LTBP3: variants seen among roughly 807,000 people sequenced by gnomAD.
LTBP3 encodes the protein latent transforming growth factor beta binding protein 3.
LTBP3 carries 97 observed loss-of-function variants against 159.7 expected under a neutral mutation model. That is an observed-to-expected ratio of 0.61 (90% CI 0.52 to 0.72). The LOEUF (loss-of-function observed/expected upper bound fraction) is 0.72. Among genes scored for constraint, LTBP3 ranks in the 30% least tolerant of loss-of-function variants. The probability of loss-of-function intolerance (pLI) is 0.00; values close to 1 mark genes in which losing one functional copy is unlikely to be tolerated. For synonymous variants in LTBP3, 824 were observed against 777.1 expected (o/e 1.06, Z -1.00); for missense variants, 1,584 against 1,864.3 (o/e 0.85, Z 2.77).
chr11:65,540,077 C>G lies in LTBP3; in HGVS notation c.3321G>C (p.Glu1107Asp). The G allele has an allele frequency of 1.3e-6, 2 of 1,525,576 alleles. No individual in the cohort carries two copies. 94.5% of individuals were successfully genotyped at this position (1,525,576 alleles called of 1,614,324 possible). The change falls in exon 24 of 28, where the codon GAG becomes GAC. Residue 1107 changes from glutamate (E) to aspartate (D), a missense_variant. Physicochemically the swap from Glu to Asp is conservative, Grantham distance 45. Coordinates refer to ENST00000301873, the MANE Select transcript of LTBP3 (RefSeq NM_001130144.3). ...CVNLPGSYRC[E>D]CRPPWVPGPS... is the part of the protein sequence containing the mutation. ...GCCCGGGCACCCAGGGCGGGCGACA[C>G]TCGCAGCGGTAGGAGCCCGGCAGGT...
Position 65,539,417 on chromosome 11 carries a change from A to C in LTBP3, c.3671T>G (p.Val1224Gly). Residue 1224 changes from valine (V) to glycine (G), a missense_variant, in exon 27 of 28, where the codon GTG becomes GGG. Val to Gly is a moderately radical substitution (Grantham distance 109, BLOSUM62 -3). Around this residue, in one of 6 missense-constraint regions of LTBP3, gnomAD observed 514 missense variants for 530.3 expected, o/e 0.97. Transcript: ENST00000301873. ...SEEDSDECRC[V>G]SGRCVPRPGG... ...CGGCCGCGGCACGCAGCGGCCACTC[A>C]CGCAGCGACACTCGTCTGAATCCTC... 1 of 1,551,146 alleles carries C rather than the reference A, an allele frequency of 6.4e-7. No individual in the cohort carries two copies. The highest frequency in any genetic ancestry group is 8.7e-7 in the Non-Finnish European group (1 of 1,147,062).
At chr11:65,542,159 T>C (rs1391168010) in intron 18 of LTBP3, 4 of 268,334 alleles carry the variant, frequency 1.5e-5, no homozygotes. Flanking sequence ...TTCTCGTGCC[T>C]TGCCTTTCCC....
chr11:65,553,769 A>G lies in LTBP3; in HGVS notation c.796T>C (p.Ser266Pro), dbSNP rs916293694. Residue 266 changes from serine (S) to proline (P), a missense_variant, in exon 3 of 28, where the codon TCG becomes CCG. This residue lies in a region of LTBP3 where 194 missense variants were observed against 198.7 expected (regional missense o/e 0.98). Coordinates refer to ENST00000301873, the MANE Select transcript of LTBP3 (RefSeq NM_001130144.3). This position sits in a 1 kb window ranked among gnomAD's most constrained non-coding sequence, Gnocchi z 6.5. ...TTCTGGGTGGGCGGCCGGGGGTGCG[A>G]GGGCTTGGGGTGCGGCAGCAGGTGC... ...SQHLLPHPKPSHPRPPTQKPL... is the reference protein window; with the variant it reads ...SQHLLPHPKPPHPRPPTQKPL... 2.5e-6 allele frequency: 4 copies of G among 1,570,746 alleles called. No homozygotes were observed. Among genetic ancestry groups the G allele is most frequent in the African/African-American group, 1.4e-5 (1 of 74,056 alleles).
chr11:65,539,818 C>A lies in LTBP3; in HGVS notation c.3449G>T (p.Gly1150Val). 1 of 1,532,396 alleles carries A rather than the reference C, an allele frequency of 6.5e-7. No homozygotes were observed. The highest frequency in any genetic ancestry group is 2.5e-5 in the East Asian group (1 of 40,634). The allele number at this position is 1,532,396 out of a possible 1,614,324, so 94.9% of individuals were successfully genotyped here. Residue 1150 changes from glycine to valine, a missense_variant, in exon 25 of 28, where the codon GGC becomes GTC. Gly to Val is a moderately radical substitution (Grantham distance 109). Coordinates refer to ENST00000301873, the MANE Select transcript of LTBP3 (RefSeq NM_001130144.3). ...GGTGAGGGCAGGCCCGGCCAGGGGGCCAGCGCACATGCCGTCCTCTCCGCG... is the reference window on the plus strand; with the variant it reads ...GGTGAGGGCAGGCCCGGCCAGGGGGACAGCGCACATGCCGTCCTCTCCGCG... ...SQRGEDGMCA[G>V]PLAGPALTFD...
chr11:65,541,379 C>G lies in LTBP3; in HGVS notation c.2726-86G>C, dbSNP rs1469673099. On this transcript the variant is annotated intron_variant, in intron 19 of 27. Coordinates refer to ENST00000301873, the MANE Select transcript of LTBP3 (RefSeq NM_001130144.3). ...CCCACCCACCACAGGTCTTTCCCCC[C>G]ACATTCCCTGGCTCCCCTTAGCCTC... is the stretch of plus-strand genomic sequence containing the variant. The G allele has an allele frequency of 7.8e-6, 12 of 1,535,534 alleles. No homozygotes were observed. The East Asian group carries it at 9.0e-5, about 12-fold the overall frequency.
At chr11:65,540,736 GGGCGGGGCCTGC>G in intron 21 of LTBP3, 122 bp from the exon 22 acceptor site, 2 of 1,498,372 alleles carry the variant, frequency 1.3e-6, no homozygotes, top group Non-Finnish European at 1.8e-6. Flanking sequence ...GGGGCCTACA[GGGCGGGGCCTGC>G]GAGGAAGGTG....
intron 21 of LTBP3, 72 bp from the exon 22 acceptor site, chr11:65,540,686 C>A: frequency 4.4e-6 from 5 of 1,124,002 alleles, no homozygotes; most frequent in South Asian, 2.9e-5. Flanking sequence ...GGCGCACCAC[C>A]GGAGCGAAGC....
rs527264270 is a variant in LTBP3, at chr11:65,547,329, G to T, written c.2107+110C>A. On this transcript the variant is annotated intron_variant, in intron 14 of 27. Coordinates refer to ENST00000301873, the MANE Select transcript of LTBP3 (RefSeq NM_001130144.3). The surrounding 1 kb of genome is among the most constrained non-coding windows in gnomAD (Gnocchi z 4.6). Reference sequence around the variant, plus strand: ...ACCGCACTCCAGCCTGGGCGACAGAGTGAGACTCCGTCTCGGGGGAAAAAA... The same window carrying T: ...ACCGCACTCCAGCCTGGGCGACAGATTGAGACTCCGTCTCGGGGGAAAAAA... 3.0e-5 allele frequency: 40 copies of T among 1,319,168 alleles called. No individual in the cohort carries two copies. In the African/African-American group the frequency reaches 4.6e-4, roughly 15 times the overall value. 81.7% of individuals were successfully genotyped at this position (1,319,168 alleles called of 1,614,324 possible).
chr11:65,557,913 C>G lies in LTBP3; in HGVS notation c.47G>C (p.Arg16Pro). The G allele has an allele frequency of 7.9e-7, 1 of 1,263,840 alleles. No homozygotes were observed. The highest frequency in any genetic ancestry group is 2.2e-5 in the South Asian group (1 of 45,896). The allele number at this position is 1,263,840 out of a possible 1,614,324, so 78.3% of individuals were successfully genotyped here. Reference sequence around the variant, plus strand: ...CAGCAGCCCCGCCGCCCCCGCCCCGCGCATCTCAGGGGCCAGGCCGCCAGC... The same window carrying G: ...CAGCAGCCCCGCCGCCCCCGCCCCGGGCATCTCAGGGGCCAGGCCGCCAGC... ...GAAGGLAPEMRGAGAAGLLAL... is the reference protein window; with the variant it reads ...GAAGGLAPEMPGAGAAGLLAL... Residue 16 changes from arginine to proline, a missense_variant, in exon 1 of 28, where the codon CGC becomes CCC. By Grantham distance (103) the Arg-to-Pro change is moderately radical. Coordinates refer to ENST00000301873, the MANE Select transcript of LTBP3 (RefSeq NM_001130144.3).
At chr11:65,542,986 A>G (rs922055261) in intron 18 of LTBP3, 119 bp downstream of exon 18, 1 of 1,289,410 alleles carries the variant, frequency 7.8e-7, no homozygotes, top group Non-Finnish European at 1.1e-6. Flanking sequence ...AGATGGATGG[A>G]TGGATGGATG....
At chr11:65,539,264 G>A in intron 27 of LTBP3, 33 bp from the exon 28 acceptor site, 1 of 1,519,128 alleles carries the variant, frequency 6.6e-7, no homozygotes, top group Non-Finnish European at 8.9e-7. Flanking sequence ...CGGCTTCGCT[G>A]AGCCTCCAGG....
chr11:65,557,642 G>A lies in LTBP3; in HGVS notation c.318C>T (p.Ser106=), dbSNP rs532614152. ...CCCGGCCCTCACCCACGCGGAAGCCGGAGCCCGTGAGCGTGTCTGTGCTGT... is the reference window on the plus strand; with the variant it reads ...CCCGGCCCTCACCCACGCGGAAGCCAGAGCCCGTGAGCGTGTCTGTGCTGT... ...NGHSTDTLTG[S]GFRVVVCPLP... is the part of the protein sequence containing the mutation. Residue 106 remains serine, a synonymous_variant, in exon 1 of 28, where the codon TCC becomes TCT. Coordinates refer to ENST00000301873, the MANE Select transcript of LTBP3 (RefSeq NM_001130144.3). 84 of 1,610,294 alleles carry A rather than the reference G, an allele frequency of 5.2e-5. 1 individual carries two copies. In the Middle Eastern group the frequency reaches 9.9e-4, roughly 19 times the overall value.
intron 1 of LTBP3, 50 bp downstream of exon 1, chr11:65,557,579 G>C: frequency 6.2e-7 from 1 of 1,601,028 alleles, no homozygotes; most frequent in East Asian, 2.2e-5. Context: ...TCTCCCACCG[G>C]GCCTGGTGCC....
intron 11 of LTBP3, 122 bp downstream of exon 11, chr11:65,551,004 G>T (rs1856588576): frequency 2.4e-6 from 2 of 838,342 alleles, no homozygotes; most frequent in East Asian, 2.7e-5. Context: ...CTTCCCCAGT[G>T]CCCAGCCCTG....
At chr11:65,540,180 G>T in intron 23 of LTBP3, 27 bp from the exon 24 acceptor site, 1 of 1,538,058 alleles carries the variant, frequency 6.5e-7, no homozygotes, top group Non-Finnish European at 8.7e-7. Flanking sequence ...GGTGGGTGGG[G>T]GCCGTCACAG....
At position 65,543,137 on chromosome 11, in the gene LTBP3, C is replaced by T; in HGVS notation, c.2564G>A (p.Gly855Glu). The change falls in exon 18 of 28, where the codon GGG becomes GAG. Residue 855 changes from glycine (G) to glutamate (E), a missense_variant. Coordinates refer to ENST00000301873, the MANE Select transcript of LTBP3 (RefSeq NM_001130144.3). ...TTTCCTGCCACCCACCAGCCGATGC[C>T]CCTGGGGGCAAAGACATCTGTAGGA... ...NGSYRCLCPQ[G>E]HRLVGGRKCQ... 6.2e-7 allele frequency: 1 copy of T among 1,614,156 alleles called. No individual in the cohort carries two copies. Among genetic ancestry groups the T allele is most frequent in the Non-Finnish European group, 8.5e-7 (1 of 1,180,016 alleles).
chr11:65,557,594 C>T, intron 1 of LTBP3, 35 bp downstream of exon 1: 1 of 1,604,402 alleles, frequency 6.2e-7, no homozygotes, highest in Non-Finnish European at 8.5e-7. Context: ...GGTGCCTGTC[C>T]TTCCCCTGCC....
chr11:65,550,181 G>A (rs756797880), intron 11 of LTBP3, among the ~76,000 whole-genome samples: 15 of 152,140 alleles, frequency 9.9e-5, no homozygotes, highest in Admixed American at 2.6e-4. Flanking sequence ...AGGCCAAGTC[G>A]GGCGGATCAC....
intron 1 of LTBP3, among the ~76,000 whole-genome samples, chr11:65,556,641 A>G (rs1856821299): frequency 6.6e-6 from 1 of 152,254 alleles, no homozygotes; most frequent in African/African-American, 2.4e-5. Flanking sequence ...TGCCCATGGC[A>G]TGACCCCAGA....
Sources: allele counts gnomAD v4.1 joint callset (sites outside exome capture counted in the v4.1 genomes callset), GRCh38; gene constraint gnomAD v4.1.1; regional missense constraint gnomAD v4.1.1; non-coding constraint Gnocchi (gnomAD v3.1); transcripts MANE v1.5; gene names NCBI Gene and HGNC (gene_info 2026-07-23, HGNC 2026-07-21).